SPAG16: variants seen among roughly 807,000 people sequenced by gnomAD.
SPAG16 encodes the protein sperm-associated antigen 16 protein.
In SPAG16, 86 loss-of-function variants were observed where a neutral mutation model predicts 80.4. That is an observed-to-expected ratio of 1.07 (90% CI 0.90 to 1.28). SPAG16 has a LOEUF of 1.28. Ranked by LOEUF, SPAG16 falls within the 50% of genes most tolerant of loss-of-function variation. The pLI, the probability that SPAG16 is intolerant of heterozygous loss-of-function variation, is 0.00. For synonymous variants in SPAG16, 294 were observed against 265.9 expected (o/e 1.11, Z -1.03); for missense variants, 870 against 765.3 (o/e 1.14, Z -1.61).
At chr2:213,997,681 T>C (rs754814308) in intron 12 of SPAG16, among the ~76,000 whole-genome samples, 43 of 152,286 alleles carry the variant, frequency 2.8e-4, no homozygotes, top group Non-Finnish European at 5.3e-4. Context: ...CCAGGCCACA[T>C]TGAAAGAAGA....
At chr2:213,399,286 T>A (rs894148772) in intron 9 of SPAG16, among the ~76,000 whole-genome samples, 4 of 152,050 alleles carry the variant, frequency 2.6e-5, no homozygotes, top group African/African-American at 9.7e-5. Context: ...GTTGAAAAAA[T>A]TTGTTTTCCT....
At chr2:213,781,088 CATT>C (rs1242352031) in intron 10 of SPAG16, among the ~76,000 whole-genome samples, 5 of 152,156 alleles carry the variant, frequency 3.3e-5, no homozygotes, top group African/African-American at 4.8e-5. Context: ...ACATTACAGA[CATT>C]ATATGTTACT....
At chr2:214,368,159 C>G (rs2126082993) in intron 15 of SPAG16, among the ~76,000 whole-genome samples, 1 of 152,198 alleles carries the variant, frequency 6.6e-6, no homozygotes, top group South Asian at 2.1e-4. Flanking sequence ...TTGTCATTAG[C>G]ATATTTTTGA....
At chr2:213,624,526 A>G (rs777003147) in intron 10 of SPAG16, among the ~76,000 whole-genome samples, 3 of 152,194 alleles carry the variant, frequency 2.0e-5, no homozygotes, top group Non-Finnish European at 4.4e-5. Flanking sequence ...GCTAAAAACT[A>G]TAAGTAGGGT....
chr2:213,572,057 C>T (rs1252119201), intron 10 of SPAG16, among the ~76,000 whole-genome samples: 1,545 of 116,328 alleles, frequency 0.013, 19 homozygotes, highest in Non-Finnish European at 0.021. Flanking sequence ...GCATTCTTCA[C>T]GTAGTTCTCG....
intron 7 of SPAG16, among the ~76,000 whole-genome samples, chr2:213,358,756 T>C (rs991443553): frequency 6.6e-6 from 1 of 152,194 alleles, no homozygotes; most frequent in Admixed American, 6.5e-5. Context: ...AAGCCTACTT[T>C]TGTCAACTCA....
chr2:214,246,188 A>C, intron 15 of SPAG16, among the ~76,000 whole-genome samples: 1 of 152,148 alleles, frequency 6.6e-6, no homozygotes, highest in East Asian at 1.9e-4. Flanking sequence ...CCTCTAACAG[A>C]GGGACTTTAG....
chr2:213,527,442 A>G (rs1392234378), intron 10 of SPAG16, among the ~76,000 whole-genome samples: 2 of 151,960 alleles, frequency 1.3e-5, no homozygotes, highest in Non-Finnish European at 2.9e-5. Flanking sequence ...TTTATTCCTT[A>G]TTGTCATTTT....
intron 10 of SPAG16, among the ~76,000 whole-genome samples, chr2:213,553,580 C>A (rs1453519690): frequency 6.6e-6 from 1 of 152,174 alleles, no homozygotes; most frequent in Non-Finnish European, 1.5e-5. Flanking sequence ...AGTAGAGGTG[C>A]TCCTTTCTCA....
chr2:214,002,168 G>A (rs557635590), intron 12 of SPAG16, among the ~76,000 whole-genome samples: 1 of 152,244 alleles, frequency 6.6e-6, no homozygotes, highest in Non-Finnish European at 1.5e-5. Flanking sequence ...TGGGAATTAT[G>A]GGAACTCCAA....
chr2:213,420,120 A>G (rs1433833616), intron 9 of SPAG16, among the ~76,000 whole-genome samples: 1 of 152,218 alleles, frequency 6.6e-6, no homozygotes, highest in Non-Finnish European at 1.5e-5. Context: ...CTCAGTTGCA[A>G]TGTTGCCTAG....
intron 10 of SPAG16, among the ~76,000 whole-genome samples, chr2:213,684,602 A>G (rs1487435030): frequency 6.6e-6 from 1 of 152,212 alleles, no homozygotes; most frequent in East Asian, 1.9e-4. Flanking sequence ...AGTTCTATAT[A>G]AACTATATGT....
At chr2:213,972,654 C>A (rs1029309566) in intron 12 of SPAG16, among the ~76,000 whole-genome samples, 1 of 152,128 alleles carries the variant, frequency 6.6e-6, no homozygotes, top group East Asian at 1.9e-4. Flanking sequence ...CCAGAAATAA[C>A]GTTTTGTCAG....
rs3043764 is a variant in SPAG16 at position 214,149,096 on chromosome 2, T to TATATATAC, written c.1594-43_1594-42insTATATACA. 7.7e-4 allele frequency: 574 copies of TATATATAC among 750,086 alleles called. 6 individuals are homozygous for TATATATAC. Among genetic ancestry groups the TATATATAC allele is most frequent in the African/African-American group, 7.2e-3 (381 of 52,630 alleles). 46.5% of individuals were successfully genotyped at this position (750,086 alleles called of 1,614,324 possible). A position where few individuals can be genotyped will look rare whatever the true frequency, so the allele number is the denominator to read the frequency against. On this transcript the variant is annotated intron_variant, in intron 14 of 15. Coordinates refer to ENST00000331683, the MANE Select transcript of SPAG16 (RefSeq NM_024532.5). ...GTGTGTGTATATATATATATATATA[T>TATATATAC]ACATACATACACATTTTATTTTTGT...
intron 5 of SPAG16, among the ~76,000 whole-genome samples, chr2:213,338,793 A>G (rs754104183): frequency 6.6e-6 from 1 of 152,344 alleles, no homozygotes; most frequent in Non-Finnish European, 1.5e-5. Flanking sequence ...GTTCTCACTT[A>G]TAAGTGGGAG....
chr2:213,714,411 T>G (rs569934035), intron 10 of SPAG16, among the ~76,000 whole-genome samples: 1 of 152,298 alleles, frequency 6.6e-6, no homozygotes, highest in East Asian at 1.9e-4. Flanking sequence ...CACCCTTTTT[T>G]TTCTTCCTCC....
At chr2:213,561,661 T>C (rs764672865) in intron 10 of SPAG16, among the ~76,000 whole-genome samples, 2 of 152,224 alleles carry the variant, frequency 1.3e-5, no homozygotes, top group African/African-American at 2.4e-5. Context: ...CTCTTAAATG[T>C]AATGTCTTTT....
chr2:213,513,329 A>T (rs1253528073), intron 10 of SPAG16, among the ~76,000 whole-genome samples: 1 of 152,140 alleles, frequency 6.6e-6, no homozygotes, highest in Non-Finnish European at 1.5e-5. Context: ...GAGGATGGGG[A>T]CCTACAATTT....
chr2:214,293,321 C>T (rs1693925820), intron 15 of SPAG16, among the ~76,000 whole-genome samples: 1 of 152,096 alleles, frequency 6.6e-6, no homozygotes, highest in African/African-American at 2.4e-5. Flanking sequence ...TGGGCAAGTC[C>T]CTTGACCTGC....
Sources: gnomAD v4.1 joint callset for allele counts (sites outside exome capture counted in the v4.1 genomes callset) on GRCh38, gnomAD v4.1.1 for gene constraint, MANE v1.5 for transcripts, NCBI Gene and HGNC (gene_info 2026-07-23, HGNC 2026-07-21) for gene names.